The following PIP5K1C variants were observed in gnomAD, a reference collection of about 807,000 sequenced individuals.
The protein encoded by PIP5K1C is phosphatidylinositol 4-phosphate 5-kinase type-1 gamma.
A neutral mutation model predicts 80.1 loss-of-function variants in PIP5K1C; 45 were observed. The observed-to-expected ratio is 0.56, with a 90% CI of 0.44 to 0.72. The LOEUF (loss-of-function observed/expected upper bound fraction) is 0.72, where lower values mean the gene tolerates loss of function less well. PIP5K1C is among the 30% of genes least tolerant of loss of function. The pLI is 0.00. For synonymous variants in PIP5K1C, 498 were observed against 420.1 expected, an observed-to-expected ratio of 1.19 and a Z score of -2.27; for missense variants, 753 against 954.6, an observed-to-expected ratio of 0.79 and a Z score of 2.78.
chr19:3,688,241 C>T lies in PIP5K1C; in HGVS notation c.94+12056G>A, dbSNP rs1202092662. On this transcript the variant is annotated intron_variant, in intron 1 of 17. Transcript: ENST00000335312. This position sits in a 1 kb window ranked among gnomAD's most constrained non-coding sequence, Gnocchi z 5.3. ...CGGCTGGCTCCCCAGCGTCCCTGTC[C>T]TCCAGGGGCGCAGCGTCCCTCCGGG... Among the ~76,000 whole-genome samples, 2 of 152,216 alleles carry T rather than the reference C, an allele frequency of 1.3e-5. No homozygotes were observed. Among genetic ancestry groups the T allele is most frequent in the African/African-American group, 2.4e-5 (1 of 41,462 alleles).
At chr19:3,677,942 T>G (rs1427158540) in intron 1 of PIP5K1C, among the ~76,000 whole-genome samples, 60 of 48,288 alleles carry the variant, frequency 1.2e-3, no homozygotes, top group Non-Finnish European at 1.6e-3. Flanking sequence ...AATGGAGGGA[T>G]GGAGGGAGGG....
chr19:3,645,477 C>T (rs1027428665), intron 11 of PIP5K1C, among the ~76,000 whole-genome samples: 1 of 152,206 alleles, frequency 6.6e-6, no homozygotes, highest in African/African-American at 2.4e-5. Flanking sequence ...GGGTGAATCC[C>T]GAGTCCCCAC....
At position 3,664,909 on chromosome 19, in the gene PIP5K1C, C is replaced by A; in HGVS notation, c.132G>T (p.Leu44=). The change falls in exon 3 of 18, where the codon CTG becomes CTT. Residue 44 remains leucine (L), a synonymous_variant. Coordinates refer to ENST00000335312, the MANE Select transcript of PIP5K1C (RefSeq NM_012398.3). Reference sequence around the variant, plus strand: ...CAGGGCCCGGCTGTGCCGTCATGGACAGAACCTGGGAAGAGGAAGCAGGAA... The same window carrying A: ...CAGGGCCCGGCTGTGCCGTCATGGAAAGAACCTGGGAAGAGGAAGCAGGAA... ...AQKKAAPTEV[L]SMTAQPGPGH... is the part of the protein sequence containing the mutation. The A allele has an allele frequency of 1.9e-6, 3 of 1,612,818 alleles. No individual in the cohort carries two copies. Among genetic ancestry groups the A allele is most frequent in the Non-Finnish European group, 2.5e-6 (3 of 1,179,656 alleles).
intron 1 of PIP5K1C, 60 bp downstream of exon 1, chr19:3,700,237 G>T (rs973383949): frequency 1.0e-6 from 1 of 986,954 alleles, no homozygotes; most frequent in Non-Finnish European, 1.2e-6. Context: ...CCGCAGCCCC[G>T]CGACTCTCGG....
intron 1 of PIP5K1C, among the ~76,000 whole-genome samples, chr19:3,695,871 A>G (rs993432672): frequency 1.3e-5 from 2 of 152,022 alleles, no homozygotes; most frequent in African/African-American, 4.8e-5. Flanking sequence ...CTACAGGTAC[A>G]TACCATTACG....
intron 7 of PIP5K1C, among the ~76,000 whole-genome samples, chr19:3,652,667 C>T (rs1432718495): frequency 3.9e-5 from 6 of 152,306 alleles, no homozygotes; most frequent in South Asian, 4.1e-4. Flanking sequence ...ATCATTCTTT[C>T]GCTAACACGG....
chr19:3,633,844 T>TTCCTCC (rs911336780), intron 16 of PIP5K1C, among the ~76,000 whole-genome samples: 8 of 151,478 alleles, frequency 5.3e-5, no homozygotes, highest in Admixed American at 3.9e-4. Context: ...GCACCGAGTG[T>TTCCTCC]TCCTCCTCCT....
intron 1 of PIP5K1C, among the ~76,000 whole-genome samples, chr19:3,695,801 G>A (rs942124636): frequency 2.0e-5 from 3 of 150,088 alleles, no homozygotes; most frequent in African/African-American, 7.4e-5. Flanking sequence ...ACAGCTCAGT[G>A]CAGCCTCAGC....
At chr19:3,683,646 C>A (rs536542577) in intron 1 of PIP5K1C, among the ~76,000 whole-genome samples, 1 of 152,182 alleles carries the variant, frequency 6.6e-6, no homozygotes, top group African/African-American at 2.4e-5. Flanking sequence ...TAGGGGTGGA[C>A]GCACCTGATT....
chr19:3,679,903 G>A (rs577323047), intron 1 of PIP5K1C, among the ~76,000 whole-genome samples: 2 of 152,214 alleles, frequency 1.3e-5, no homozygotes, highest in South Asian at 4.1e-4. Flanking sequence ...TGTTGCAGAC[G>A]CTCAAGAAAC....
In PIP5K1C at chr19:3,644,179, G is replaced by C. The variant is rs1267502921; in HGVS notation, c.1418C>G (p.Ala473Gly). Residue 473 changes from alanine (A) to glycine (G), a missense_variant, in exon 12 of 18, where the codon GCT becomes GGT. By Grantham distance (60) the Ala-to-Gly change is moderately conservative. Coordinates refer to ENST00000335312, the MANE Select transcript of PIP5K1C (RefSeq NM_012398.3). ...LLAVKPLGPTAAFSASQIPSE... is the reference protein window; with the variant it reads ...LLAVKPLGPTGAFSASQIPSE... ...AGGGATCTGGCTGGCCGAGAAGGCA[G>C]CGGTGGGCCCCAGCGGTTTCACAGC... is the stretch of plus-strand genomic sequence containing the variant. The C allele has an allele frequency of 6.2e-7, 1 of 1,612,374 alleles. No homozygotes were observed. The highest frequency in any genetic ancestry group is 2.2e-5 in the East Asian group (1 of 44,870).
At chr19:3,699,812 A>G (rs1030370280) in intron 1 of PIP5K1C, among the ~76,000 whole-genome samples, 7 of 152,136 alleles carry the variant, frequency 4.6e-5, no homozygotes, top group Non-Finnish European at 8.8e-5. Context: ...GGGGCGGTGG[A>G]GGCATCTTGA....
At chr19:3,653,047 C>T (rs2145446329) in intron 7 of PIP5K1C, among the ~76,000 whole-genome samples, 1 of 152,370 alleles carries the variant, frequency 6.6e-6, no homozygotes, top group South Asian at 2.1e-4. Flanking sequence ...GGGCTCAAGC[C>T]ATCTGCCTGC....
chr19:3,698,138 G>A (rs1408895446), intron 1 of PIP5K1C, among the ~76,000 whole-genome samples: 1 of 152,258 alleles, frequency 6.6e-6, no homozygotes, highest in Non-Finnish European at 1.5e-5. Flanking sequence ...TTCTAACAGT[G>A]AGCGGTGACT....
chr19:3,651,203 G>A (rs1339648724), intron 8 of PIP5K1C, among the ~76,000 whole-genome samples: 1 of 151,972 alleles, frequency 6.6e-6, no homozygotes, highest in African/African-American at 2.4e-5. Context: ...ACAGGTGCAC[G>A]TGCCACCACG....
At chr19:3,644,040 G>C in intron 12 of PIP5K1C, 47 bp downstream of exon 12, 1 of 1,599,878 alleles carries the variant, frequency 6.3e-7, no homozygotes, top group Non-Finnish European at 8.5e-7. Context: ...GCTGCTGCTG[G>C]CACCCCCTGT....
rs376705441 is a variant in PIP5K1C at position 3,685,647 on chromosome 19, G to A, written c.94+14650C>T. 1.1e-3 allele frequency among the ~76,000 whole-genome samples: 172 copies of A among 151,806 alleles called. 1 individual carries two copies. The highest frequency in any genetic ancestry group is 3.9e-3 in the African/African-American group (161 of 41,408). On this transcript the variant is annotated intron_variant, in intron 1 of 17. Transcript: ENST00000335312. ...CGGGAGGCTGAGGCAGGAGAATGGC[G>A]TGAACCCGGGAGGCGGAGCTTGCAG...
Position 3,633,031 on chromosome 19 carries a change from C to T in PIP5K1C, c.*136G>A, listed in dbSNP as rs2033514736. The T allele has an allele frequency of 4.7e-6, 3 of 637,386 alleles. No homozygotes were observed. Among genetic ancestry groups the T allele is most frequent in the African/African-American group, 1.8e-5 (1 of 54,764 alleles). 39.5% of individuals were successfully genotyped at this position (637,386 alleles called of 1,614,324 possible). ...AGGGGCCCGGCCGTCGGCATCCGTGCAGGGGGAGGACGAGGTCCGGTGGGG... is the reference window on the plus strand; with the variant it reads ...AGGGGCCCGGCCGTCGGCATCCGTGTAGGGGGAGGACGAGGTCCGGTGGGG... On this transcript the variant is annotated 3_prime_UTR_variant, in exon 18 of 18. Transcript: ENST00000335312.
chr19:3,697,255 C>A (rs370706173), intron 1 of PIP5K1C, among the ~76,000 whole-genome samples: 1 of 144,826 alleles, frequency 6.9e-6, no homozygotes, highest in Non-Finnish European at 1.5e-5. Flanking sequence ...CCGGGAGGAC[C>A]GAGCCAGATG....
Sources: gnomAD v4.1 joint callset for allele counts (sites outside exome capture counted in the v4.1 genomes callset) on GRCh38, gnomAD v4.1.1 for gene constraint, Gnocchi (gnomAD v3.1) non-coding constraint, MANE v1.5 for transcripts, NCBI Gene and HGNC (gene_info 2026-07-23, HGNC 2026-07-21) for gene names.